SKIC2: variants seen among roughly 807,000 people sequenced by gnomAD.
The protein encoded by SKIC2 is superkiller complex protein 2.
the SKIC2 span, chr6:31,959,323 C>T: frequency 1.9e-6 from 3 of 1,613,904 alleles, no homozygotes; most frequent in Non-Finnish European, 1.7e-6. Flanking sequence ...TCCCCTGGAC[C>T]TACCCCTTCG....
chr6:31,963,884 G>GCTCCTT, the SKIC2 span: 454 of 1,587,468 alleles, frequency 2.9e-4, 7 homozygotes, highest in Admixed American at 7.1e-3. The surrounding 1 kb of genome is among the most constrained non-coding windows in gnomAD (Gnocchi z 5.3). Flanking sequence ...CTCAACCTCT[G>GCTCCTT]CTCCTTCCCC....
At chr6:31,964,000 T>C in the SKIC2 span, 7 of 1,612,694 alleles carry the variant, frequency 4.3e-6, no homozygotes, top group Non-Finnish European at 5.9e-6. The surrounding 1 kb of genome is among the most constrained non-coding windows in gnomAD (Gnocchi z 5.3). Flanking sequence ...CCGGGGCCGC[T>C]GTGATGAGCA....
chr6:31,964,270 T>TGTGCACCATAGCGGCATCCTGCCC, the SKIC2 span: 8 of 1,612,922 alleles, frequency 5.0e-6, no homozygotes, highest in African/African-American at 1.3e-5. This position sits in a 1 kb window ranked among gnomAD's most constrained non-coding sequence, Gnocchi z 5.0. Context: ...GCGGCCTGGG[T>TGTGCACCATAGCGGCATCCTGCCC]GTGCACCATA....
the SKIC2 span, chr6:31,960,377 G>A: frequency 6.3e-7 from 1 of 1,597,730 alleles, no homozygotes; most frequent in South Asian, 1.1e-5. Context: ...TGGGGAGAAG[G>A]GGAGGTGGTC....
chr6:31,962,689 T>G, the SKIC2 span: 52 of 1,608,488 alleles, frequency 3.2e-5, no homozygotes, highest in South Asian at 5.3e-4. The surrounding 1 kb of genome is among the most constrained non-coding windows in gnomAD (Gnocchi z 5.0). Context: ...CACTGGGGAG[T>G]CAATCCTTGG....
At chr6:31,959,593 G>T in the SKIC2 span, 1 of 569,700 alleles carries the variant, frequency 1.8e-6, no homozygotes, top group South Asian at 2.3e-5. Context: ...AAGGGCTGGG[G>T]ATATTTTTGC....
At chr6:31,966,007 G>C in the SKIC2 span, 1 of 1,587,718 alleles carries the variant, frequency 6.3e-7, no homozygotes. This position sits in a 1 kb window ranked among gnomAD's most constrained non-coding sequence, Gnocchi z 5.9. Context: ...TGCACCGCAT[G>C]ATGATGGTGA....
the SKIC2 span, chr6:31,968,289 A>C: frequency 9.1e-6 from 14 of 1,544,718 alleles, no homozygotes; most frequent in African/African-American, 1.2e-4. This position sits in a 1 kb window ranked among gnomAD's most constrained non-coding sequence, Gnocchi z 6.1. Context: ...GGGGGAGAGA[A>C]GATCTTACCC....
the SKIC2 span, chr6:31,966,682 T>C: frequency 6.2e-7 from 1 of 1,613,668 alleles, no homozygotes; most frequent in South Asian, 1.1e-5. This position sits in a 1 kb window ranked among gnomAD's most constrained non-coding sequence, Gnocchi z 5.9. Flanking sequence ...CACCCTGATC[T>C]CAGTGACTTC....
At chr6:31,961,168 A>G in the SKIC2 span, 1 of 1,612,800 alleles carries the variant, frequency 6.2e-7, no homozygotes, top group Non-Finnish European at 8.5e-7. Context: ...GGACATGACA[A>G]GGTTGACCTT....
chr6:31,962,752 T>C, the SKIC2 span: 8 of 1,612,750 alleles, frequency 5.0e-6, no homozygotes, highest in African/African-American at 1.3e-5. The surrounding 1 kb of genome is among the most constrained non-coding windows in gnomAD (Gnocchi z 5.0). Context: ...ATTCGGGACC[T>C]GGAGTGGGTC....
At chr6:31,964,283 G>A in the SKIC2 span, 21 of 1,612,950 alleles carry the variant, frequency 1.3e-5, no homozygotes, top group Non-Finnish European at 1.6e-5. The surrounding 1 kb of genome is among the most constrained non-coding windows in gnomAD (Gnocchi z 5.0). Flanking sequence ...GCACCATAGC[G>A]GCATCCTGCC....
chr6:31,960,876 G>T, the SKIC2 span: 6 of 899,166 alleles, frequency 6.7e-6, no homozygotes, highest in Admixed American at 2.3e-5. Context: ...GTCATCTGCT[G>T]GGAAATTTCT....
At chr6:31,967,278 C>A in the SKIC2 span, 1 of 1,612,772 alleles carries the variant, frequency 6.2e-7, no homozygotes, top group Admixed American at 1.7e-5. This position sits in a 1 kb window ranked among gnomAD's most constrained non-coding sequence, Gnocchi z 4.9. Context: ...TTCAGCGACG[C>A]ATCATGGAGT....
the SKIC2 span, chr6:31,963,423 C>G: frequency 2.6e-6 from 4 of 1,568,484 alleles, no homozygotes; most frequent in Non-Finnish European, 3.5e-6. The surrounding 1 kb of genome is among the most constrained non-coding windows in gnomAD (Gnocchi z 5.3). Context: ...GCGGCTGAAG[C>G]GTCGTCAGAT....
At chr6:31,965,711 TG>T in the SKIC2 span, 1 of 861,372 alleles carries the variant, frequency 1.2e-6, no homozygotes, top group Non-Finnish European at 1.9e-6. This position sits in a 1 kb window ranked among gnomAD's most constrained non-coding sequence, Gnocchi z 5.6. Context: ...CAAAGTAAGG[TG>T]GGCTTGGCCA....
chr6:31,968,612 C>G, the SKIC2 span: 1 of 1,551,086 alleles, frequency 6.4e-7, no homozygotes. The surrounding 1 kb of genome is among the most constrained non-coding windows in gnomAD (Gnocchi z 6.1). Context: ...GACTGACCGC[C>G]CCCATCTCAG....
At chr6:31,959,400 CGT>C in the SKIC2 span, 1 of 1,607,588 alleles carries the variant, frequency 6.2e-7, no homozygotes, top group Non-Finnish European at 8.5e-7. Flanking sequence ...CAGAGAGTAG[CGT>C]GAGTGACTTT....
chr6:31,967,864 T>C, the SKIC2 span: 10 of 1,612,754 alleles, frequency 6.2e-6, no homozygotes, highest in East Asian at 4.5e-5. This position sits in a 1 kb window ranked among gnomAD's most constrained non-coding sequence, Gnocchi z 4.9. Context: ...TGCCTGAAGG[T>C]GAGAGTGTGG....
Sources: allele counts gnomAD v4.1 joint callset, GRCh38; gene constraint gnomAD v4.1.1; non-coding constraint Gnocchi (gnomAD v3.1); transcripts MANE v1.5; gene names NCBI Gene and HGNC (gene_info 2026-07-23, HGNC 2026-07-21).